The following STAG1 variants were observed in gnomAD, a reference collection of about 807,000 sequenced individuals.
STAG1 encodes the protein STAG1 cohesin complex component, also known as cohesin subunit SA-1.
STAG1 carries 26 observed loss-of-function variants against 170.9 expected under a neutral mutation model. The observed-to-expected ratio is 0.15, with a 90% CI of 0.11 to 0.21. The LOEUF (loss-of-function observed/expected upper bound fraction) is 0.21, where lower values mean the gene tolerates loss of function less well. STAG1 is among the 10% of genes least tolerant of loss of function. The probability of loss-of-function intolerance (pLI) is 1.00; values close to 1 mark genes in which losing one functional copy is unlikely to be tolerated. For synonymous variants in STAG1, 514 were observed against 497.7 expected, an observed-to-expected ratio of 1.03 and a Z score of -0.44; for missense variants, 964 against 1,509.5, an observed-to-expected ratio of 0.64 and a Z score of 5.99.
At chr3:136,739,781 G>A (rs544414312) in intron 1 of STAG1, among the ~76,000 whole-genome samples, 78 of 151,720 alleles carry the variant, frequency 5.1e-4, no homozygotes, top group Non-Finnish European at 3.5e-4. Flanking sequence ...CCGAGATCGC[G>A]CCACTGCACT....
At chr3:136,643,778 G>A (rs1036235183) in intron 1 of STAG1, among the ~76,000 whole-genome samples, 1 of 152,060 alleles carries the variant, frequency 6.6e-6, no homozygotes, top group African/African-American at 2.4e-5. Context: ...CAAAGTGCTG[G>A]GATTATAGGT....
chr3:136,690,624 A>C (rs1942689579), intron 1 of STAG1, among the ~76,000 whole-genome samples: 1 of 152,216 alleles, frequency 6.6e-6, no homozygotes, highest in Non-Finnish European at 1.5e-5. Context: ...ATATACACAC[A>C]CAATCATTAA....
chr3:136,689,039 T>C (rs936196965), intron 1 of STAG1, among the ~76,000 whole-genome samples: 1 of 152,330 alleles, frequency 6.6e-6, no homozygotes, highest in East Asian at 1.9e-4. Context: ...TTTAATTACA[T>C]GGCCAGAAAA....
rs72989477 is a variant in STAG1, at chr3:136,543,351, A to G, written c.395-1156T>C. 7.9e-3 allele frequency among the ~76,000 whole-genome samples: 1,209 copies of G among 152,304 alleles called. 13 individuals are homozygous for G. The highest frequency in any genetic ancestry group is 0.028 in the African/African-American group (1,153 of 41,574). On this transcript the variant is annotated intron_variant, in intron 5 of 33. Transcript: ENST00000383202. ...TCAGGCATTTGTATAGTCCTTATCA[A>G]TATGCACTCAGTAGAAGGCAAGAAT...
chr3:136,611,225 C>T (rs1466005068), intron 3 of STAG1, among the ~76,000 whole-genome samples: 1 of 152,204 alleles, frequency 6.6e-6, no homozygotes, highest in Non-Finnish European at 1.5e-5. Context: ...TCTAGGCTCA[C>T]TGCAACCTCC....
At chr3:136,656,619 G>T (rs976269784) in intron 1 of STAG1, among the ~76,000 whole-genome samples, 1 of 147,738 alleles carries the variant, frequency 6.8e-6, no homozygotes, top group South Asian at 2.2e-4. Context: ...GTATTTATTT[G>T]TGTGTGTGTG....
intron 9 of STAG1, among the ~76,000 whole-genome samples, chr3:136,484,849 G>A (rs1005330829): frequency 7.3e-5 from 11 of 151,718 alleles, no homozygotes; most frequent in Admixed American, 5.2e-4. Flanking sequence ...TTCCAGGTGC[G>A]TCTGTCACCC....
rs146922741 is a variant in STAG1, at chr3:136,345,053, G to A, written c.3272-1047C>T. Among the ~76,000 whole-genome samples the A allele has an allele frequency of 1.7e-3, 266 of 152,002 alleles. 1 individual carries two copies. Among genetic ancestry groups the A allele is most frequent in the Non-Finnish European group, 2.9e-3 (198 of 67,966 alleles). On this transcript the variant is annotated intron_variant, in intron 29 of 33. Coordinates refer to ENST00000383202, the MANE Select transcript of STAG1 (RefSeq NM_005862.3). Reference sequence around the variant, plus strand: ...AAAACTTAAGTTTTCCAGGGGCTACGAACTGTTTTTCTTTCAGAACTTATG... The same window carrying A: ...AAAACTTAAGTTTTCCAGGGGCTACAAACTGTTTTTCTTTCAGAACTTATG...
chr3:136,460,673 A>G (rs1297977081), intron 13 of STAG1, among the ~76,000 whole-genome samples: 1 of 151,796 alleles, frequency 6.6e-6, no homozygotes, highest in Non-Finnish European at 1.5e-5. Flanking sequence ...CTGAAGCACT[A>G]ATAAAGTCTC....
chr3:136,497,304 T>C (rs1933159700), intron 9 of STAG1, among the ~76,000 whole-genome samples: 1 of 152,094 alleles, frequency 6.6e-6, no homozygotes, highest in Non-Finnish European at 1.5e-5. Flanking sequence ...GAGCTATTTA[T>C]CCCTCTTGAA....
chr3:136,392,118 G>C (rs2087025612), intron 22 of STAG1, among the ~76,000 whole-genome samples: 1 of 152,116 alleles, frequency 6.6e-6, no homozygotes, highest in African/African-American at 2.4e-5. Context: ...CGATTTGGCA[G>C]TATGCATCAA....
At chr3:136,633,110 G>A (rs1940395945) in intron 1 of STAG1, among the ~76,000 whole-genome samples, 1 of 152,170 alleles carries the variant, frequency 6.6e-6, no homozygotes, top group Admixed American at 6.5e-5. Flanking sequence ...ATGATTCCCA[G>A]AGTGAAAACA....
At chr3:136,564,356 T>C (rs1936973010) in intron 5 of STAG1, among the ~76,000 whole-genome samples, 1 of 152,184 alleles carries the variant, frequency 6.6e-6, no homozygotes, top group Admixed American at 6.5e-5. Context: ...TAACCAACAA[T>C]GTAACAGTGT....
chr3:136,359,456 T>C (rs1936776152), intron 26 of STAG1, among the ~76,000 whole-genome samples, 160 bp from the exon 27 acceptor site: 1 of 152,204 alleles, frequency 6.6e-6, no homozygotes, highest in South Asian at 2.1e-4. Context: ...AAATTGTCTA[T>C]TATTAATAGC....
At chr3:136,722,656 TCC>T (rs1188854929) in intron 1 of STAG1, among the ~76,000 whole-genome samples, 1 of 119,216 alleles carries the variant, frequency 8.4e-6, no homozygotes, top group East Asian at 2.8e-4. Flanking sequence ...CTCTCCCCTC[TCC>T]CTTCTCCCCT....
In STAG1 at chr3:136,714,975, TA is replaced by T. The variant is rs1162156451; in HGVS notation, c.-84+37219del. 4.4e-4 allele frequency among the ~76,000 whole-genome samples: 48 copies of T among 109,908 alleles called. 1 individual carries two copies. In the South Asian group the frequency reaches 4.4e-3, roughly 10 times the overall value. The allele number at this position is 109,908 out of a possible 152,430, so 72.1% of individuals were successfully genotyped here. ...TATATATATATATATTTTATATATA[TA>T]TTTTTATATATATATTTTATATATA... On this transcript the variant is annotated intron_variant, in intron 1 of 33. Coordinates refer to ENST00000383202, the MANE Select transcript of STAG1 (RefSeq NM_005862.3).
intron 1 of STAG1, among the ~76,000 whole-genome samples, chr3:136,708,607 A>C (rs114695607): frequency 2.9e-4 from 44 of 152,312 alleles, no homozygotes; most frequent in Non-Finnish European, 5.7e-4. Flanking sequence ...ATGGTTAAAT[A>C]TATGTTATGT....
intron 16 of STAG1, among the ~76,000 whole-genome samples, chr3:136,428,574 G>A (rs1016896397): frequency 3.3e-5 from 5 of 152,088 alleles, no homozygotes; most frequent in Admixed American, 1.3e-4. Flanking sequence ...TCAATGGAAA[G>A]GGCTGTCAAC....
In STAG1 at chr3:136,373,465, G is replaced by A. The variant is rs149327729; in HGVS notation, c.2371-4183C>T. Among the ~76,000 whole-genome samples, 604 of 151,754 alleles carry A rather than the reference G, an allele frequency of 4.0e-3. 2 individuals carry two copies. Among genetic ancestry groups the A allele is most frequent in the Middle Eastern group, 0.031 (9 of 292 alleles). On this transcript the variant is annotated intron_variant, in intron 23 of 33. Transcript: ENST00000383202. The stretch of plus-strand genomic sequence containing the variant: ...TACGGTGTCAATTTTAGATCTTTCC[G>A]GCTTTCTCTTGTGGGCATTTAGGGC...
Sources: gnomAD v4.1 joint callset for allele counts (sites outside exome capture counted in the v4.1 genomes callset) on GRCh38, gnomAD v4.1.1 for gene constraint, MANE v1.5 for transcripts, NCBI Gene and HGNC (gene_info 2026-07-23, HGNC 2026-07-21) for gene names.